KDM2A: variants seen among roughly 807,000 people sequenced by gnomAD.
KDM2A encodes the protein lysine demethylase 2A.
KDM2A carries 3 observed loss-of-function variants against 137.3 expected under a neutral mutation model. The observed-to-expected ratio is 0.02, with a 90% CI of 0.01 to 0.06. The LOEUF is 0.06. Among genes scored for constraint, KDM2A ranks in the 10% least tolerant of loss-of-function variants. The pLI, the probability that KDM2A is intolerant of heterozygous loss-of-function variation, is 1.00. For missense variants in KDM2A, 738 were observed against 1,510.6 expected (o/e 0.49, Z 8.48); for synonymous variants, 512 against 541.5 (o/e 0.95, Z 0.76).
intron 5 of KDM2A, among the ~76,000 whole-genome samples, chr11:67,189,369 T>C (rs1388051073): frequency 6.6e-6 from 1 of 152,122 alleles, no homozygotes; most frequent in Non-Finnish European, 1.5e-5. Flanking sequence ...TACCAAAACT[T>C]ATAGGGATCA....
chr11:67,123,403 G>A (rs1172193963), intron 2 of KDM2A, among the ~76,000 whole-genome samples: 1 of 148,408 alleles, frequency 6.7e-6, no homozygotes, highest in Non-Finnish European at 1.5e-5. Flanking sequence ...CCCAGTTCAT[G>A]TGTTGAGATT....
intron 2 of KDM2A, among the ~76,000 whole-genome samples, 182 bp downstream of exon 2, chr11:67,121,540 T>A (rs1205293407): frequency 6.6e-6 from 1 of 152,228 alleles, no homozygotes; most frequent in Admixed American, 6.5e-5. Context: ...TGTTTTATAT[T>A]TTATATATTT....
intron 5 of KDM2A, among the ~76,000 whole-genome samples, chr11:67,201,009 G>A (rs572696653): frequency 1.3e-5 from 2 of 151,930 alleles, no homozygotes; most frequent in Admixed American, 6.6e-5. Context: ...TGGCTAACAC[G>A]GTGAAACCCA....
At chr11:67,158,223 A>G (rs1179987423) in intron 2 of KDM2A, among the ~76,000 whole-genome samples, 1 of 152,116 alleles carries the variant, frequency 6.6e-6, no homozygotes, top group Non-Finnish European at 1.5e-5. Context: ...AGCAGTATGC[A>G]TTTATGGTTC....
chr11:67,130,125 G>C (rs1216745591), intron 2 of KDM2A, among the ~76,000 whole-genome samples: 1 of 129,442 alleles, frequency 7.7e-6, no homozygotes, highest in Admixed American at 7.5e-5. Flanking sequence ...ACCCCACCTG[G>C]CTAATTTTTT....
chr11:67,149,956 A>G (rs1415813472), intron 2 of KDM2A, among the ~76,000 whole-genome samples: 9 of 152,148 alleles, frequency 5.9e-5, no homozygotes. Flanking sequence ...TCCCGACCTC[A>G]GGTGACCTGC....
At position 67,121,301 on chromosome 11, in the gene KDM2A, A is replaced by G; in HGVS notation, c.-16A>G. ...GGAGTGGTTTCTTTACAGTAATTTC[A>G]ACAGAAGAGTGAGAGATGGAACCCG... On this transcript the variant is annotated 5_prime_UTR_variant, in exon 2 of 21. Transcript: ENST00000529006. The G allele has an allele frequency of 6.2e-7, 1 of 1,613,392 alleles. No individual in the cohort carries two copies. The highest frequency in any genetic ancestry group is 8.5e-7 in the Non-Finnish European group (1 of 1,179,394).
chr11:67,244,601 AT>A (rs1859149107), intron 13 of KDM2A, among the ~76,000 whole-genome samples: 1 of 152,142 alleles, frequency 6.6e-6, no homozygotes, highest in Admixed American at 6.5e-5. Context: ...GGGCTGGTAA[AT>A]TTTTCTGTAA....
At chr11:67,128,090 ATCAGCCTCCCCAAGTGATCCTCTTACC>A (rs917828162) in intron 2 of KDM2A, among the ~76,000 whole-genome samples, 1 of 144,422 alleles carries the variant, frequency 6.9e-6, no homozygotes, top group Non-Finnish European at 1.5e-5. Context: ...CCACTGCAGC[ATCAGCCTCCCCAAGTGATCCTCTTACC>A]TCAGCCTCCT....
At position 67,254,817 on chromosome 11, in the gene KDM2A, T is replaced by C. The variant is rs781714054; in HGVS notation, c.3308-57T>C. 3.9e-5 allele frequency: 57 copies of C among 1,471,374 alleles called. No homozygotes were observed. The highest frequency in any genetic ancestry group is 5.3e-5 in the Non-Finnish European group (56 of 1,058,550). The allele number at this position is 1,471,374 out of a possible 1,614,324, so 91.1% of individuals were successfully genotyped here. On this transcript the variant is annotated intron_variant, in intron 20 of 20. Transcript: ENST00000529006. This position sits in a 1 kb window ranked among gnomAD's most constrained non-coding sequence, Gnocchi z 4.7. ...AGGAAAGACGGCTACAGGAATTGAA[T>C]GGCAGAGGAAAGCTGTGTGTATGTG...
At chr11:67,124,950 C>T (rs1174378262) in intron 2 of KDM2A, among the ~76,000 whole-genome samples, 2 of 150,552 alleles carry the variant, frequency 1.3e-5, no homozygotes, top group Non-Finnish European at 3.0e-5. Context: ...CTCTACCTCC[C>T]GGGTTCACGC....
At chr11:67,175,966 A>G (rs996475805) in intron 2 of KDM2A, among the ~76,000 whole-genome samples, 3 of 152,160 alleles carry the variant, frequency 2.0e-5, no homozygotes, top group African/African-American at 7.2e-5. Context: ...GGGGAAAACA[A>G]TGTTAGGAAT....
chr11:67,172,624 G>A (rs1371990796), intron 2 of KDM2A, among the ~76,000 whole-genome samples: 1 of 147,094 alleles, frequency 6.8e-6, no homozygotes, highest in Non-Finnish European at 1.5e-5. Context: ...AGTTGTGTGT[G>A]TGTGTGTGTG....
intron 17 of KDM2A, among the ~76,000 whole-genome samples, chr11:67,251,896 A>C (rs887180417): frequency 6.6e-6 from 1 of 152,192 alleles, no homozygotes; most frequent in Admixed American, 6.5e-5. Context: ...GGCTAATAGG[A>C]CTGCTTGGCT....
chr11:67,216,704 T>C (rs1306243373), intron 8 of KDM2A, among the ~76,000 whole-genome samples: 1 of 150,320 alleles, frequency 6.7e-6, no homozygotes, highest in Admixed American at 6.6e-5. Flanking sequence ...GCGGATCAGC[T>C]GAGGTCAGGA....
chr11:67,253,565 G>A lies in KDM2A; in HGVS notation c.3045G>A (p.Lys1015=). Reference sequence around the variant, plus strand: ...ATCTTCGGTGGGCAGTAGGAATCAAGGACCCTCAAATTCGGGACTTGCTTA... The same window carrying A: ...ATCTTCGGTGGGCAGTAGGAATCAAAGACCCTCAAATTCGGGACTTGCTTA... The part of the protein sequence containing the change: ...TLDLRWAVGI[K]DPQIRDLLTP... Residue 1015 remains lysine (K), a synonymous_variant, in exon 19 of 21, where the codon AAG becomes AAA. Transcript: ENST00000529006. The A allele has an allele frequency of 6.2e-7, 1 of 1,613,878 alleles. No homozygotes were observed. The highest frequency in any genetic ancestry group is 8.5e-7 in the Non-Finnish European group (1 of 1,179,856).
Position 67,233,046 on chromosome 11 carries a change from T to C in KDM2A, c.1479+1086T>C, listed in dbSNP as rs117354215. Among the ~76,000 whole-genome samples the C allele has an allele frequency of 2.1e-4, 32 of 152,240 alleles. No homozygotes were observed. In the East Asian group the frequency reaches 5.2e-3, roughly 25 times the overall value. ...AAACTGGAGGAAATTATTTTAAGTC[T>C]TTCCTCCTAAGTAACAATTAATGTG... On this transcript the variant is annotated intron_variant, in intron 12 of 20. Transcript: ENST00000529006.
In KDM2A at chr11:67,255,513, C is replaced by T. The variant is rs1859573961; in HGVS notation, c.*458C>T. On this transcript the variant is annotated 3_prime_UTR_variant, in exon 21 of 21. Coordinates refer to ENST00000529006, the MANE Select transcript of KDM2A (RefSeq NM_012308.3). The stretch of plus-strand genomic sequence containing the variant: ...TGGTGTCCAGTGCGCGTCTCTCCTC[C>T]ATCACACTCTCCCGGCTTGCGCAGG... 1 of 457,218 alleles carries T rather than the reference C, an allele frequency of 2.2e-6. No individual in the cohort carries two copies. Among genetic ancestry groups the T allele is most frequent in the Admixed American group, 2.3e-5 (1 of 42,580 alleles). 28.3% of individuals were successfully genotyped at this position (457,218 alleles called of 1,614,324 possible). A position where few individuals can be genotyped will look rare whatever the true frequency, so the allele number is the denominator to read the frequency against.
chr11:67,164,290 T>C (rs1856694801), intron 2 of KDM2A, among the ~76,000 whole-genome samples: 1 of 152,216 alleles, frequency 6.6e-6, no homozygotes, highest in African/African-American at 2.4e-5. Context: ...GGTTCATACC[T>C]GAAAGTGAAT....
Sources: gnomAD v4.1 joint callset for allele counts (sites outside exome capture counted in the v4.1 genomes callset) on GRCh38, gnomAD v4.1.1 for gene constraint, Gnocchi (gnomAD v3.1) non-coding constraint, MANE v1.5 for transcripts, NCBI Gene and HGNC (gene_info 2026-07-23, HGNC 2026-07-21) for gene names.